The following CDK14 variants were observed in gnomAD, a reference collection of about 807,000 sequenced individuals.
The protein encoded by CDK14 is cyclin-dependent kinase 14.
CDK14 carries 34 observed loss-of-function variants against 60.7 expected under a neutral mutation model. The ratio of observed to expected loss-of-function variants is 0.56; its 90% CI spans 0.43 to 0.75. The LOEUF is 0.75. Ranked by LOEUF, CDK14 falls within the 30% of genes least tolerant of loss-of-function variation. The probability of loss-of-function intolerance (pLI) is 0.00; values close to 1 mark genes in which losing one functional copy is unlikely to be tolerated. For synonymous variants in CDK14, 197 were observed against 203.7 expected, an observed-to-expected ratio of 0.97 and a Z score of 0.28; for missense variants, 482 against 564.1, an observed-to-expected ratio of 0.85 and a Z score of 1.47.
intron 5 of CDK14, among the ~76,000 whole-genome samples, chr7:90,814,717 A>G (rs576568005): frequency 3.3e-5 from 5 of 152,320 alleles, no homozygotes; most frequent in African/African-American, 9.6e-5. Flanking sequence ...TGGAGGTTGC[A>G]GTGAGCCGAG....
intron 2 of CDK14, among the ~76,000 whole-genome samples, chr7:90,637,141 C>G (rs1461765268): frequency 2.6e-5 from 4 of 151,880 alleles, no homozygotes; most frequent in Admixed American, 1.3e-4. Flanking sequence ...TCCTTCAGTT[C>G]TGCTCTGATT....
At position 90,743,891 on chromosome 7, in the gene CDK14, T is replaced by C. The variant is rs180867100; in HGVS notation, c.370-3790T>C. Among the ~76,000 whole-genome samples the C allele has an allele frequency of 1.1e-3, 161 of 152,290 alleles. 1 individual carries two copies. In the Middle Eastern group the frequency reaches 0.041, roughly 39 times the overall value. ...TTTTAATCTCTTCTTAATAGCATAT[T>C]GCTAGATTTTCTTTGTTTTTTTTAT... On this transcript the variant is annotated intron_variant, in intron 3 of 14. Transcript: ENST00000380050.
chr7:90,647,160 C>T (rs1330236486), intron 2 of CDK14, among the ~76,000 whole-genome samples: 1 of 152,116 alleles, frequency 6.6e-6, no homozygotes, highest in Non-Finnish European at 1.5e-5. Context: ...AGGCTGCTTT[C>T]AACACTTAGT....
At chr7:90,984,337 C>G in intron 10 of CDK14, 96 bp downstream of exon 10, 1 of 802,780 alleles carries the variant, frequency 1.2e-6, no homozygotes, top group South Asian at 1.5e-5. Flanking sequence ...TAATTTAAAA[C>G]AAAATTTGTT....
intron 14 of CDK14, among the ~76,000 whole-genome samples, chr7:91,206,772 T>G (rs1562994522): frequency 6.6e-6 from 1 of 152,208 alleles, no homozygotes; most frequent in African/African-American, 2.4e-5. Flanking sequence ...TATTTCATGT[T>G]CATAAAAATG....
chr7:90,744,014 TTA>T (rs1803463330), intron 3 of CDK14, among the ~76,000 whole-genome samples: 2 of 152,082 alleles, frequency 1.3e-5, no homozygotes, highest in Admixed American at 6.5e-5. Flanking sequence ...TTCTTTTTTT[TTA>T]AATTATTTAT....
Position 90,726,621 on chromosome 7 carries a change from A to C in CDK14, c.178A>C (p.Lys60Gln). 6.2e-7 allele frequency: 1 copy of C among 1,613,744 alleles called. No individual in the cohort carries two copies. The highest frequency in any genetic ancestry group is 8.5e-7 in the Non-Finnish European group (1 of 1,179,710). Residue 60 changes from lysine to glutamine, a missense_variant, in exon 3 of 15, where the codon AAA (lysine) becomes CAA (glutamine). Lys to Gln is a moderately conservative substitution (Grantham distance 53, BLOSUM62 1). Transcript: ENST00000380050. ...CTGCCAGGGAATGGACTCAGTGATC[A>C]AACCCCTGGACACAATTCCTGAGGA... Reference protein sequence around the residue: ...RNCQGMDSVIKPLDTIPEDKK... With the variant: ...RNCQGMDSVIQPLDTIPEDKK...
At chr7:90,707,801 T>C (rs541313961) in intron 2 of CDK14, among the ~76,000 whole-genome samples, 1 of 152,284 alleles carries the variant, frequency 6.6e-6, no homozygotes, top group South Asian at 2.1e-4. Flanking sequence ...GAAGTCTTTT[T>C]TTGAGCCACC....
chr7:90,614,663 G>T (rs1359275357), intron 2 of CDK14, among the ~76,000 whole-genome samples: 1 of 151,772 alleles, frequency 6.6e-6, no homozygotes, highest in Admixed American at 6.6e-5. Flanking sequence ...GCCCAGACTG[G>T]TCTTGAACTC....
chr7:90,688,042 G>A (rs1366909047), intron 2 of CDK14, among the ~76,000 whole-genome samples: 1 of 152,106 alleles, frequency 6.6e-6, no homozygotes, highest in African/African-American at 2.4e-5. Context: ...TTTTTCCTCA[G>A]TGTCACCTAA....
chr7:90,898,126 G>A (rs528275660), intron 6 of CDK14, among the ~76,000 whole-genome samples: 1 of 151,954 alleles, frequency 6.6e-6, no homozygotes, highest in Admixed American at 6.6e-5. Flanking sequence ...ACCTCATTGG[G>A]TTTCCCCTGC....
chr7:91,079,769 T>C (rs1303303851), intron 12 of CDK14, among the ~76,000 whole-genome samples: 2 of 152,340 alleles, frequency 1.3e-5, no homozygotes, highest in Non-Finnish European at 2.9e-5. Context: ...GAAATATTTT[T>C]GTATCAGCAA....
chr7:91,095,841 T>G (rs1214331783), intron 12 of CDK14, among the ~76,000 whole-genome samples: 1 of 152,074 alleles, frequency 6.6e-6, no homozygotes, highest in African/African-American at 2.4e-5. Context: ...TTTGGGTGAT[T>G]ATTTTTCTAC....
At chr7:91,108,238 C>G (rs961349338) in intron 12 of CDK14, among the ~76,000 whole-genome samples, 1 of 152,180 alleles carries the variant, frequency 6.6e-6, no homozygotes, top group African/African-American at 2.4e-5. Context: ...ACCTGGGAGA[C>G]AGAGGTTGCA....
intron 10 of CDK14, among the ~76,000 whole-genome samples, chr7:91,027,380 C>G (rs1796603237): frequency 6.6e-6 from 1 of 152,200 alleles, no homozygotes; most frequent in African/African-American, 2.4e-5. Context: ...TGCAGACATC[C>G]ACTCTCGTCG....
At position 90,800,192 on chromosome 7, in the gene CDK14, T is replaced by A. The variant is rs937904861; in HGVS notation, c.544+9540T>A. Among the ~76,000 whole-genome samples the A allele has an allele frequency of 2.6e-5, 4 of 152,176 alleles. No individual in the cohort carries two copies. In the South Asian group the frequency reaches 6.2e-4, roughly 24 times the overall value. ...GTATTTTTTTCATTATTCATTCTAT[T>A]AGAATTCTATGGAAACATTTTAGAT... On this transcript the variant is annotated intron_variant, in intron 5 of 14. Transcript: ENST00000380050.
rs991817238 is a variant in CDK14, at chr7:91,070,266, CTGCTGG to C, written c.1106-9163_1106-9158del. On this transcript the variant is annotated intron_variant, in intron 11 of 14. Transcript: ENST00000380050. ...TTTGTTGTTGCTGCTGCTGCTGCTG[CTGCTGG>C]TGGTGGTGGTGGTGGTGGTGGTAGT... 1.2e-4 allele frequency among the ~76,000 whole-genome samples: 14 copies of C among 113,394 alleles called. No individual in the cohort carries two copies. In the South Asian group the frequency reaches 2.2e-3, roughly 18 times the overall value. The allele number at this position is 113,394 out of a possible 152,430, so 74.4% of individuals were successfully genotyped here. A position where few individuals can be genotyped will look rare whatever the true frequency, so the allele number is the denominator to read the frequency against.
chr7:90,919,727 G>C (rs4728947), intron 8 of CDK14, among the ~76,000 whole-genome samples: 1 of 152,230 alleles, frequency 6.6e-6, no homozygotes, highest in East Asian at 1.9e-4. Context: ...CATTTGTAAC[G>C]GCTTAGATTT....
chr7:91,010,431 T>C (rs1796118193), intron 10 of CDK14, among the ~76,000 whole-genome samples: 1 of 152,108 alleles, frequency 6.6e-6, no homozygotes, highest in Non-Finnish European at 1.5e-5. Context: ...TTCTATAATA[T>C]CTCAGCAGTG....
Sources: allele counts gnomAD v4.1 joint callset (sites outside exome capture counted in the v4.1 genomes callset), GRCh38; gene constraint gnomAD v4.1.1; transcripts MANE v1.5; gene names NCBI Gene and HGNC (gene_info 2026-07-23, HGNC 2026-07-21).